Variants in SERBP1 observed in about 807,000 individuals in gnomAD.
SERBP1 encodes SERPINE1 mRNA binding protein 1.
A neutral mutation model predicts 50.2 loss-of-function variants in SERBP1; 6 were observed. That is an observed-to-expected ratio of 0.12 (90% CI 0.07 to 0.24). SERBP1 has a LOEUF of 0.24. Ranked by LOEUF, SERBP1 falls within the 10% of genes least tolerant of loss-of-function variation. The pLI, the probability that SERBP1 is intolerant of heterozygous loss-of-function variation, is 1.00. For synonymous variants in SERBP1, 168 were observed against 182.8 expected, an observed-to-expected ratio of 0.92 and a Z score of 0.65; for missense variants, 346 against 524.9, an observed-to-expected ratio of 0.66 and a Z score of 3.33.
chr1:67,426,722 C>T (rs1176480545), intron 1 of SERBP1, among the ~76,000 whole-genome samples: 1 of 151,986 alleles, frequency 6.6e-6, no homozygotes, highest in Non-Finnish European at 1.5e-5. Context: ...ATACCAGCAG[C>T]CATTCATAAA....
intron 5 of SERBP1, chr1:67,420,675 T>C (rs1667171103): frequency 2.0e-5 from 3 of 152,542 alleles, no homozygotes; most frequent in South Asian, 2.1e-4. Context: ...ACTGTTCCTC[T>C]ATGCTTTGTT....
chr1:67,412,894 T>C lies in SERBP1; in HGVS notation c.*313A>G. ...CTGGTACACACTGTTCACACCTATA[T>C]TTCAAGTTTGGAAATGCATATTTGC... On this transcript the variant is annotated 3_prime_UTR_variant, in exon 8 of 8. Transcript: ENST00000361219. The C allele has an allele frequency of 1.7e-5, 6 of 355,862 alleles. No homozygotes were observed. The highest frequency in any genetic ancestry group is 3.0e-5 in the Non-Finnish European group (6 of 198,244). The allele number at this position is 355,862 out of a possible 1,614,324, so 22.0% of individuals were successfully genotyped here. A position where few individuals can be genotyped will look rare whatever the true frequency, so the allele number is the denominator to read the frequency against.
In SERBP1 at chr1:67,430,350, G is replaced by C. The variant is rs764923535; in HGVS notation, c.-50C>G. ...TCCACGGATTGCAGCGGGCCGCGCCGAGCCAAGAGCGCCTGCTTCAGCTCT... is the reference window on the plus strand; with the variant it reads ...TCCACGGATTGCAGCGGGCCGCGCCCAGCCAAGAGCGCCTGCTTCAGCTCT... On this transcript the variant is annotated 5_prime_UTR_variant, in exon 1 of 8. Transcript: ENST00000361219. 6 of 1,478,406 alleles carry C rather than the reference G, an allele frequency of 4.1e-6. No individual in the cohort carries two copies. The South Asian group carries it at 4.1e-5, about 10-fold the overall frequency. 91.6% of individuals were successfully genotyped at this position (1,478,406 alleles called of 1,614,324 possible).
chr1:67,413,324 T>G, intron 7 of SERBP1, 61 bp from the exon 8 acceptor site: 4 of 1,402,054 alleles, frequency 2.9e-6, no homozygotes, highest in Non-Finnish European at 3.9e-6. Context: ...CATTGTTAGC[T>G]AGTGTCTACA....
chr1:67,429,978 CCT>C lies in SERBP1; in HGVS notation c.313+8_313+9del, dbSNP rs764277326. On this transcript the variant is annotated splice_region_variant and intron_variant, in intron 1 of 7. Coordinates refer to ENST00000361219, the MANE Select transcript of SERBP1 (RefSeq NM_001018069.2). ...ATCCCAGTCTCCCCCACATTCTGCCCCTGCTTTACCTTCTTTCTTAAGCGCCA... is the reference window on the plus strand; with the variant it reads ...ATCCCAGTCTCCCCCACATTCTGCCCGCTTTACCTTCTTTCTTAAGCGCCA... 8.8e-6 allele frequency: 14 copies of C among 1,593,342 alleles called. No individual in the cohort carries two copies. In the Middle Eastern group the frequency reaches 5.0e-4, roughly 57 times the overall value.
intron 1 of SERBP1, among the ~76,000 whole-genome samples, chr1:67,427,691 A>T (rs550195134): frequency 2.0e-5 from 3 of 152,224 alleles, no homozygotes; most frequent in African/African-American, 7.2e-5. Flanking sequence ...CAAGCCAAAC[A>T]CACCCAAGTG....
rs1223948231 is a variant in SERBP1 at position 67,408,130 on chromosome 1, A to T, written c.*5077T>A. On this transcript the variant is annotated 3_prime_UTR_variant, in exon 8 of 8. Transcript: ENST00000361219. Reference sequence around the variant, plus strand: ...CCTTAATATTAGCCCTTCACTTTCCATGCTTCCACCCAGTAACACCTAAAG... The same window carrying T: ...CCTTAATATTAGCCCTTCACTTTCCTTGCTTCCACCCAGTAACACCTAAAG... 1 of 152,170 alleles carries T rather than the reference A, an allele frequency of 6.6e-6. No homozygotes were observed. The highest frequency in any genetic ancestry group is 1.9e-4 in the East Asian group (1 of 5,196). 9.4% of individuals were successfully genotyped at this position (152,170 alleles called of 1,614,324 possible).
chr1:67,424,959 A>G lies in SERBP1; in HGVS notation c.624T>C (p.Ser208=). 1.2e-6 allele frequency: 2 copies of G among 1,613,062 alleles called. No homozygotes were observed. The highest frequency in any genetic ancestry group is 1.7e-6 in the Non-Finnish European group (2 of 1,179,856). ...CACGTTTGTCCTCGTGCTTCAGGCC[A>G]CTGTAATGTGAAAAAGAACTAACAA... ...GSDRSSFSHY[S]GLKHEDKRGG... is the part of the protein sequence containing the mutation. The change falls in exon 4 of 8, where the codon AGT becomes AGC. Residue 208 remains serine, a synonymous_variant. Transcript: ENST00000361219.
At chr1:67,417,886 T>G (rs1018132706) in intron 6 of SERBP1, among the ~76,000 whole-genome samples, 1 of 152,090 alleles carries the variant, frequency 6.6e-6, no homozygotes, top group African/African-American at 2.4e-5. Context: ...GGTAACACAG[T>G]TCTCCATTTG....
chr1:67,425,146 C>T lies in SERBP1; in HGVS notation c.542G>A (p.Arg181Gln), dbSNP rs753926167. The change falls in exon 3 of 8, where the codon CGA becomes CAA. Residue 181 changes from arginine (R) to glutamine (Q), a missense_variant. Transcript: ENST00000361219. The part of the protein sequence containing the change: ...GRGGRGRGMG[R>Q]GDGFDSRGKR... ...GCCACGAGAATCAAATCCATCTCCTCGGCCCATTCCACGTCCACGGCCCCC... is the reference window on the plus strand; with the variant it reads ...GCCACGAGAATCAAATCCATCTCCTTGGCCCATTCCACGTCCACGGCCCCC... 1.2e-5 allele frequency: 19 copies of T among 1,611,574 alleles called. No homozygotes were observed. Among genetic ancestry groups the T allele is most frequent in the African/African-American group, 4.0e-5 (3 of 74,826 alleles).
chr1:67,409,943 G>T lies in SERBP1; in HGVS notation c.*3264C>A, dbSNP rs1224871079. Reference sequence around the variant, plus strand: ...CTTAGTTAACCTGAAGATCTCGCTGGTACATGTTCAGACTTGCTAAAACTT... The same window carrying T: ...CTTAGTTAACCTGAAGATCTCGCTGTTACATGTTCAGACTTGCTAAAACTT... On this transcript the variant is annotated 3_prime_UTR_variant, in exon 8 of 8. Coordinates refer to ENST00000361219, the MANE Select transcript of SERBP1 (RefSeq NM_001018069.2). The T allele has an allele frequency of 1.3e-5, 2 of 152,142 alleles. No individual in the cohort carries two copies. The highest frequency in any genetic ancestry group is 2.9e-5 in the Non-Finnish European group (2 of 68,024). 9.4% of individuals were successfully genotyped at this position (152,142 alleles called of 1,614,324 possible).
Position 67,409,386 on chromosome 1 carries a change from GACACACACACACACACACAC to G in SERBP1, c.*3801_*3820del, listed in dbSNP as rs768733223. On this transcript the variant is annotated 3_prime_UTR_variant, in exon 8 of 8. Transcript: ENST00000361219. ...AAACCATTCTTAACTCAGGGACACG[GACACACACACACACACACAC>G]ACACACACACACACCCCCACACACA... 1 of 114,142 alleles carries G rather than the reference GACACACACACACACACACAC, an allele frequency of 8.8e-6. No individual in the cohort carries two copies. The highest frequency in any genetic ancestry group is 1.8e-5 in the Non-Finnish European group (1 of 57,090). The allele number at this position is 114,142 out of a possible 1,614,324, so 7.1% of individuals were successfully genotyped here.
chr1:67,426,395 G>C, intron 1 of SERBP1, 110 bp from the exon 2 acceptor site: 1 of 1,147,040 alleles, frequency 8.7e-7, no homozygotes, highest in East Asian at 2.7e-5. Flanking sequence ...TTTCCTGTTG[G>C]AAAAAAGCAA....
chr1:67,411,919 T>C lies in SERBP1; in HGVS notation c.*1288A>G, dbSNP rs1469259772. ...TTAATAAGTGGTGATGCTCCCATTA[T>C]AGGAATCCATTATTTACCTAATTTT... On this transcript the variant is annotated 3_prime_UTR_variant, in exon 8 of 8. Transcript: ENST00000361219. 1 of 152,408 alleles carries C rather than the reference T, an allele frequency of 6.6e-6. No individual in the cohort carries two copies. The highest frequency in any genetic ancestry group is 1.5e-5 in the Non-Finnish European group (1 of 68,028). The allele number at this position is 152,408 out of a possible 1,614,324, so 9.4% of individuals were successfully genotyped here. A position where few individuals can be genotyped will look rare whatever the true frequency, so the allele number is the denominator to read the frequency against.
At chr1:67,417,984 T>TG (rs1234038281) in intron 6 of SERBP1, among the ~76,000 whole-genome samples, 2 of 141,116 alleles carry the variant, frequency 1.4e-5, no homozygotes, top group Non-Finnish European at 1.6e-5. Context: ...TTTTTTTTTT[T>TG]TTTTTTTTTT....
At chr1:67,429,256 G>A in intron 1 of SERBP1, among the ~76,000 whole-genome samples, 1 of 152,306 alleles carries the variant, frequency 6.6e-6, no homozygotes, top group South Asian at 2.1e-4. Context: ...GTGACTCGAG[G>A]ACGTTCCTCG....
intron 3 of SERBP1, 28 bp downstream of exon 3, chr1:67,425,055 A>G (rs1667324425): frequency 2.5e-6 from 4 of 1,600,024 alleles, no homozygotes; most frequent in Non-Finnish European, 3.4e-6. Context: ...TAAAATATTA[A>G]AGTAAAATAA....
chr1:67,416,739 C>T (rs1318615823), intron 6 of SERBP1, among the ~76,000 whole-genome samples: 10 of 152,284 alleles, frequency 6.6e-5, no homozygotes, highest in Admixed American at 5.9e-4. Flanking sequence ...AAATGTCACT[C>T]CTTTGTACCA....
In SERBP1 at chr1:67,430,358, A is replaced by C. The variant is rs573302545; in HGVS notation, c.-58T>G. 1 of 1,477,800 alleles carries C rather than the reference A, an allele frequency of 6.8e-7. No homozygotes were observed. Among genetic ancestry groups the C allele is most frequent in the Admixed American group, 2.4e-5 (1 of 41,542 alleles). The allele number at this position is 1,477,800 out of a possible 1,614,324, so 91.5% of individuals were successfully genotyped here. On this transcript the variant is annotated 5_prime_UTR_variant, in exon 1 of 8. Transcript: ENST00000361219. ...TTGCAGCGGGCCGCGCCGAGCCAAG[A>C]GCGCCTGCTTCAGCTCTTCCCACAA...
Sources: allele counts gnomAD v4.1 joint callset (sites outside exome capture counted in the v4.1 genomes callset), GRCh38; gene constraint gnomAD v4.1.1; transcripts MANE v1.5; gene names NCBI Gene and HGNC (gene_info 2026-07-23, HGNC 2026-07-21).